Variants in G2E3 observed in about 807,000 individuals in gnomAD.
G2E3 encodes G2/M phase-specific E3 ubiquitin-protein ligase.
A neutral mutation model predicts 92.8 loss-of-function variants in G2E3; 35 were observed. That is an observed-to-expected ratio of 0.38 (90% CI 0.29 to 0.50). The LOEUF (loss-of-function observed/expected upper bound fraction) is 0.50, where lower values mean the gene tolerates loss of function less well. Ranked by LOEUF, G2E3 falls within the 20% of genes least tolerant of loss-of-function variation. The pLI, the probability that G2E3 is intolerant of heterozygous loss-of-function variation, is 0.94. For synonymous variants in G2E3, 242 were observed against 272.4 expected (o/e 0.89, Z 1.10); for missense variants, 554 against 823.8 (o/e 0.67, Z 4.01).
At chr14:30,606,638 C>T (rs945761724) in intron 11 of G2E3, among the ~76,000 whole-genome samples, 1 of 152,122 alleles carries the variant, frequency 6.6e-6, no homozygotes, top group Non-Finnish European at 1.5e-5. Context: ...CAAGTTTGTA[C>T]ACATCTAGTT....
rs1295724092 is a variant in G2E3, at chr14:30,592,274, A to G, written c.238-49A>G. ...TTATTTATGTCTTGATCATATTATA[A>G]TACTCAGATTTTTTATGTTGTGACC... On this transcript the variant is annotated intron_variant, in intron 4 of 14. Transcript: ENST00000206595. The G allele has an allele frequency of 3.3e-6, 5 of 1,534,460 alleles. No homozygotes were observed. The African/African-American group carries it at 6.8e-5, about 21-fold the overall frequency.
chr14:30,585,621 A>T, intron 2 of G2E3, among the ~76,000 whole-genome samples: 1 of 148,312 alleles, frequency 6.7e-6, no homozygotes. Context: ...AAGGTTTATC[A>T]GTTTTGTTGA....
At position 30,617,340 on chromosome 14, in the gene G2E3, G is replaced by A. The variant is rs1489666573; in HGVS notation, c.*806G>A. ...ACACTTTTGAGGTGGATAACATTTA[G>A]TTGAAAATACCTAAGAAAGTGTGTC... On this transcript the variant is annotated 3_prime_UTR_variant, in exon 15 of 15. Transcript: ENST00000206595. 3 of 151,958 alleles carry A rather than the reference G, an allele frequency of 2.0e-5. No homozygotes were observed. The highest frequency in any genetic ancestry group is 4.4e-5 in the Non-Finnish European group (3 of 67,952). 9.4% of individuals were successfully genotyped at this position (151,958 alleles called of 1,614,324 possible).
chr14:30,581,893 A>G (rs1880456677), intron 2 of G2E3, among the ~76,000 whole-genome samples: 1 of 152,240 alleles, frequency 6.6e-6, no homozygotes, highest in Non-Finnish European at 1.5e-5. Context: ...CTCTTCTGCC[A>G]CTTCTACCTC....
At chr14:30,571,205 T>A (rs1202580904) in intron 1 of G2E3, among the ~76,000 whole-genome samples, 1 of 151,290 alleles carries the variant, frequency 6.6e-6, no homozygotes, top group African/African-American at 2.4e-5. Context: ...TTAATGTGCA[T>A]TTCCTTTATG....
chr14:30,560,790 G>T, intron 1 of G2E3: 1 of 702,124 alleles, frequency 1.4e-6, no homozygotes, highest in Non-Finnish European at 2.6e-6. Flanking sequence ...CTCAGATTCT[G>T]AATCAGTAGG....
intron 1 of G2E3, among the ~76,000 whole-genome samples, chr14:30,575,163 C>T (rs1404401151): frequency 6.6e-6 from 1 of 152,098 alleles, no homozygotes; most frequent in Non-Finnish European, 1.5e-5. Flanking sequence ...ATTTGCATTT[C>T]TCTAATGATT....
At position 30,618,456 on chromosome 14, in the gene G2E3, A is replaced by G. The variant is rs1404397202; in HGVS notation, c.*1922A>G. On this transcript the variant is annotated 3_prime_UTR_variant, in exon 15 of 15. Transcript: ENST00000206595. ...TATTTTCTGGTTTTTAGTTGCAATTAATTTCCCCTAGGGTAGAAATTAAAG... is the reference window on the plus strand; with the variant it reads ...TATTTTCTGGTTTTTAGTTGCAATTGATTTCCCCTAGGGTAGAAATTAAAG... 1.3e-5 allele frequency: 2 copies of G among 152,146 alleles called. No individual in the cohort carries two copies. The highest frequency in any genetic ancestry group is 6.5e-5 in the Admixed American group (1 of 15,280). The allele number at this position is 152,146 out of a possible 1,614,324, so 9.4% of individuals were successfully genotyped here. A position where few individuals can be genotyped will look rare whatever the true frequency, so the allele number is the denominator to read the frequency against.
At chr14:30,568,409 A>G (rs1045664596) in intron 1 of G2E3, among the ~76,000 whole-genome samples, 1 of 152,106 alleles carries the variant, frequency 6.6e-6, no homozygotes, top group African/African-American at 2.4e-5. Context: ...TTTACATTTA[A>G]TTACTGTTAA....
At chr14:30,582,711 G>T (rs577971118) in intron 2 of G2E3, among the ~76,000 whole-genome samples, 1 of 152,338 alleles carries the variant, frequency 6.6e-6, no homozygotes, top group East Asian at 1.9e-4. Context: ...CAATTTGCTG[G>T]AGTTAATGTG....
intron 1 of G2E3, among the ~76,000 whole-genome samples, chr14:30,575,233 G>GT (rs1449575816): frequency 2.0e-5 from 3 of 152,046 alleles, no homozygotes; most frequent in African/African-American, 7.2e-5. Context: ...CTTTTGAGAA[G>GT]TATCTGCTTA....
intron 6 of G2E3, among the ~76,000 whole-genome samples, chr14:30,597,041 G>T (rs1881324880): frequency 6.6e-6 from 1 of 152,152 alleles, no homozygotes; most frequent in African/African-American, 2.4e-5. Context: ...AACCAGTGAT[G>T]ATTTTTATGT....
chr14:30,605,941 G>C (rs941761942), intron 11 of G2E3, 129 bp downstream of exon 11: 4 of 472,812 alleles, frequency 8.5e-6, no homozygotes, highest in African/African-American at 8.0e-5. Flanking sequence ...ATAAACTACT[G>C]ATAGAATCAC....
chr14:30,560,821 A>C (rs999297401), intron 1 of G2E3: 4 of 701,616 alleles, frequency 5.7e-6, no homozygotes, highest in African/African-American at 5.2e-5. Context: ...GGCATTGAAC[A>C]GTCTGCATAT....
At chr14:30,580,331 C>T (rs1248435789) in intron 1 of G2E3, among the ~76,000 whole-genome samples, 5 of 152,116 alleles carry the variant, frequency 3.3e-5, no homozygotes, top group Non-Finnish European at 7.4e-5. Flanking sequence ...CTCAGCCTCC[C>T]GAGTAGCTGG....
Position 30,605,561 on chromosome 14 carries a change from A to G in G2E3, c.1067A>G (p.Gln356Arg). The change falls in exon 11 of 15, where the codon CAA becomes CGA. Residue 356 changes from glutamine to arginine, a missense_variant. By Grantham distance (43) the Gln-to-Arg change is conservative (BLOSUM62 1). This residue lies in a region of G2E3 where 397 missense variants were observed against 560.3 expected (regional missense o/e 0.71). Coordinates refer to ENST00000206595, the MANE Select transcript of G2E3 (RefSeq NM_017769.5). ...ACACTATTAATAGAGTTAGGATTCC[A>G]AATTAAAAAAAAAACTAAAAGATTG... ...VSTLLIELGF[Q>R]IKKKTKRLYI... is the part of the protein sequence containing the mutation. 6.7e-7 allele frequency: 1 copy of G among 1,499,226 alleles called. No homozygotes were observed. The highest frequency in any genetic ancestry group is 9.2e-7 in the Non-Finnish European group (1 of 1,091,760). 92.9% of individuals were successfully genotyped at this position (1,499,226 alleles called of 1,614,324 possible).
At chr14:30,613,855 G>A (rs988773403) in intron 13 of G2E3, among the ~76,000 whole-genome samples, 1 of 152,036 alleles carries the variant, frequency 6.6e-6, no homozygotes, top group South Asian at 2.1e-4. Context: ...ATTTAAGTAT[G>A]AAGCAACTAT....
rs751652243 is a variant in G2E3, at chr14:30,597,550, T to TA, written c.635+32dup. Reference sequence around the variant, plus strand: ...AAGTGAGTAACATTTAGCCTTATGATAAAAAAAAGATATTTTAAATGTAGG... The same window carrying TA: ...AAGTGAGTAACATTTAGCCTTATGATAAAAAAAAAGATATTTTAAATGTAGG... On this transcript the variant is annotated intron_variant, in intron 7 of 14. Coordinates refer to ENST00000206595, the MANE Select transcript of G2E3 (RefSeq NM_017769.5). 7.9e-5 allele frequency: 88 copies of TA among 1,111,832 alleles called. 1 individual carries two copies. Among genetic ancestry groups the TA allele is most frequent in the Middle Eastern group, 3.9e-4 (2 of 5,086 alleles). 68.9% of individuals were successfully genotyped at this position (1,111,832 alleles called of 1,614,324 possible).
chr14:30,618,699 T>G lies in G2E3; in HGVS notation c.*2165T>G, dbSNP rs988997303. ...TTATTTTGCAAAATGTTTTCTAGTTTGAAGGATGTTCCATTATTACCATTT... is the reference window on the plus strand; with the variant it reads ...TTATTTTGCAAAATGTTTTCTAGTTGGAAGGATGTTCCATTATTACCATTT... On this transcript the variant is annotated 3_prime_UTR_variant, in exon 15 of 15. Transcript: ENST00000206595. The G allele has an allele frequency of 6.6e-6, 1 of 152,140 alleles. No individual in the cohort carries two copies. The highest frequency in any genetic ancestry group is 2.4e-5 in the African/African-American group (1 of 41,458). The allele number at this position is 152,140 out of a possible 1,614,324, so 9.4% of individuals were successfully genotyped here.
Sources: allele counts gnomAD v4.1 joint callset (sites outside exome capture counted in the v4.1 genomes callset), GRCh38; gene constraint gnomAD v4.1.1; regional missense constraint gnomAD v4.1.1; transcripts MANE v1.5; gene names NCBI Gene and HGNC (gene_info 2026-07-23, HGNC 2026-07-21).